Variants in TLE3 observed in about 807,000 individuals in gnomAD.
TLE3 encodes the protein transducin-like enhancer protein 3.
Under a neutral mutation model 93.0 loss-of-function variants are expected in TLE3, and 14 were observed. That is an observed-to-expected ratio of 0.15 (90% CI 0.10 to 0.24). TLE3 has a LOEUF of 0.24. Among genes scored for constraint, TLE3 ranks in the 10% least tolerant of loss-of-function variants. The probability of loss-of-function intolerance (pLI) is 1.00; values close to 1 mark genes in which losing one functional copy is unlikely to be tolerated. For missense variants in TLE3, 693 were observed against 1,046.6 expected (o/e 0.66, Z 4.66); for synonymous variants, 451 against 425.0 (o/e 1.06, Z -0.75).
At chr15:70,088,148 T>G (rs2651499) in intron 4 of TLE3, among the ~76,000 whole-genome samples, 1 of 152,134 alleles carries the variant, frequency 6.6e-6, no homozygotes, top group Non-Finnish European at 1.5e-5. Context: ...TGCAGCCCAC[T>G]GATTGTGCAA....
At chr15:70,091,268 C>T (rs530608323) in intron 4 of TLE3, among the ~76,000 whole-genome samples, 1 of 152,266 alleles carries the variant, frequency 6.6e-6, no homozygotes, top group Admixed American at 6.5e-5. Flanking sequence ...CTCAAGTCCA[C>T]TTTCAAAAAT....
At chr15:70,094,609 A>T (rs2058461500) in intron 3 of TLE3, 33 bp from the exon 4 acceptor site, 3 of 1,472,990 alleles carry the variant, frequency 2.0e-6, no homozygotes, top group East Asian at 4.9e-5. Flanking sequence ...TTAACAGACA[A>T]CACAGAAATC....
chr15:70,083,535 T>C (rs1595986067), intron 4 of TLE3, among the ~76,000 whole-genome samples: 6 of 76,880 alleles, frequency 7.8e-5, no homozygotes, highest in South Asian at 5.9e-4. Context: ...CCTCTCTCCT[T>C]CCCCCTCCTC....
intron 6 of TLE3, among the ~76,000 whole-genome samples, chr15:70,070,332 T>C (rs566927753): frequency 5.3e-5 from 8 of 152,348 alleles, no homozygotes; most frequent in African/African-American, 1.9e-4. Context: ...AATTGGATTA[T>C]GCACATCACG....
intron 6 of TLE3, among the ~76,000 whole-genome samples, chr15:70,070,134 G>A (rs2057061386): frequency 1.3e-5 from 2 of 152,324 alleles, no homozygotes; most frequent in African/African-American, 2.4e-5. Context: ...CCAAAGAGGC[G>A]CTAGGAGCCT....
intron 14 of TLE3, 120 bp from the exon 15 acceptor site, chr15:70,055,418 C>T: frequency 7.0e-7 from 1 of 1,429,766 alleles, no homozygotes; most frequent in Non-Finnish European, 9.3e-7. Flanking sequence ...GCCCCCTCTG[C>T]TCTGAAACCA....
At position 70,091,860 on chromosome 15, in the gene TLE3, G is replaced by A. The variant is rs143325494; in HGVS notation, c.234+2672C>T. On this transcript the variant is annotated intron_variant, in intron 4 of 19. Transcript: ENST00000451782. ...GGAGAGCTTTTAAAAAAAATATGTGGTGGTGATGGTGGAGTGCGTGTGCGT... is the reference window on the plus strand; with the variant it reads ...GGAGAGCTTTTAAAAAAAATATGTGATGGTGATGGTGGAGTGCGTGTGCGT... Among the ~76,000 whole-genome samples the A allele has an allele frequency of 6.7e-3, 1,016 of 152,340 alleles. 3 individuals are homozygous for A. Among genetic ancestry groups the A allele is most frequent in the Non-Finnish European group, 8.7e-3 (595 of 68,024 alleles).
intron 4 of TLE3, among the ~76,000 whole-genome samples, chr15:70,077,644 G>A (rs375317781): frequency 1.3e-5 from 2 of 152,188 alleles, no homozygotes; most frequent in East Asian, 3.8e-4. Flanking sequence ...CCTGTGTCCT[G>A]GGCTGCCAGC....
chr15:70,054,303 T>C, intron 16 of TLE3, 135 bp downstream of exon 16: 1 of 1,304,886 alleles, frequency 7.7e-7, no homozygotes, highest in Non-Finnish European at 1.0e-6. Context: ...TTTTCACCTG[T>C]GCATCCCTCA....
chr15:70,056,235 G>C, intron 14 of TLE3, 63 bp downstream of exon 14: 1 of 1,530,352 alleles, frequency 6.5e-7, no homozygotes, highest in Non-Finnish European at 9.0e-7. Flanking sequence ...TGTTGGAATT[G>C]GGGGTAGAGT....
chr15:70,083,992 G>A (rs904466079), intron 4 of TLE3, among the ~76,000 whole-genome samples: 1 of 152,206 alleles, frequency 6.6e-6, no homozygotes, highest in Non-Finnish European at 1.5e-5. Context: ...AAGGAAGGCA[G>A]GAGTGATGGC....
In TLE3 at chr15:70,065,709, G is replaced by T. The variant is rs1595908305; in HGVS notation, c.577+305C>A. On this transcript the variant is annotated intron_variant, in intron 7 of 19. Transcript: ENST00000451782. The stretch of plus-strand genomic sequence containing the variant: ...GTCTGACCAGGAAGGCATCCTGAAG[G>T]GTTGGACTGGGGCTGGCCCCTGAAG... Among the ~76,000 whole-genome samples the T allele has an allele frequency of 2.0e-5, 3 of 152,338 alleles. No homozygotes were observed. The East Asian group carries it at 5.8e-4, about 29-fold the overall frequency.
chr15:70,063,117 G>A (rs1371458893), intron 8 of TLE3, among the ~76,000 whole-genome samples: 1 of 152,144 alleles, frequency 6.6e-6, no homozygotes, highest in African/African-American at 2.4e-5. Flanking sequence ...GTTATAAAGG[G>A]TCTTCCGAAA....
At chr15:70,096,002 A>T in intron 2 of TLE3, 159 bp downstream of exon 2, 1 of 900,158 alleles carries the variant, frequency 1.1e-6, no homozygotes, top group Non-Finnish European at 1.6e-6. Context: ...GTAAAGGGTT[A>T]AGGCGGCGCG....
chr15:70,073,572 C>T (rs2057292398), intron 6 of TLE3, among the ~76,000 whole-genome samples: 1 of 152,222 alleles, frequency 6.6e-6, no homozygotes, highest in African/African-American at 2.4e-5. Context: ...TTTCCAGTCC[C>T]ATCCCCAGAC....
At chr15:70,055,519 T>C (rs1183226954) in intron 14 of TLE3, 20 of 505,264 alleles carry the variant, frequency 4.0e-5, no homozygotes, top group Non-Finnish European at 5.9e-5. Flanking sequence ...CAGTTATATA[T>C]CCTTGCTTCA....
chr15:70,080,919 T>TC (rs1288028126), intron 4 of TLE3, among the ~76,000 whole-genome samples: 1 of 152,202 alleles, frequency 6.6e-6, no homozygotes, highest in Non-Finnish European at 1.5e-5. Flanking sequence ...GGTGACTGTG[T>TC]CCAACACACC....
chr15:70,064,295 C>T (rs553980391), intron 8 of TLE3, among the ~76,000 whole-genome samples, 159 bp downstream of exon 8: 1 of 152,306 alleles, frequency 6.6e-6, no homozygotes, highest in South Asian at 2.1e-4. Flanking sequence ...AAACAAACAA[C>T]AAAATCCCTA....
intron 4 of TLE3, among the ~76,000 whole-genome samples, chr15:70,089,200 C>T (rs1343416101): frequency 1.3e-5 from 2 of 152,224 alleles, no homozygotes; most frequent in South Asian, 2.1e-4. Context: ...CCAAGCAAAG[C>T]CCTCAGTGAA....
Sources: allele counts gnomAD v4.1 joint callset (sites outside exome capture counted in the v4.1 genomes callset), GRCh38; gene constraint gnomAD v4.1.1; transcripts MANE v1.5; gene names NCBI Gene and HGNC (gene_info 2026-07-23, HGNC 2026-07-21).